Variants in SLC17A6 observed in about 807,000 individuals in gnomAD.
SLC17A6 encodes the protein vesicular glutamate transporter 2.
Under a neutral mutation model 67.1 loss-of-function variants are expected in SLC17A6, and 35 were observed. The ratio of observed to expected loss-of-function variants is 0.52; its 90% CI spans 0.40 to 0.69. The LOEUF is 0.69. SLC17A6 is among the 30% of genes least tolerant of loss of function. The probability of loss-of-function intolerance (pLI) is 0.00; values close to 1 mark genes in which losing one functional copy is unlikely to be tolerated. For synonymous variants in SLC17A6, 285 were observed against 252.3 expected, an observed-to-expected ratio of 1.13 and a Z score of -1.23; for missense variants, 588 against 723.9, an observed-to-expected ratio of 0.81 and a Z score of 2.15.
chr11:22,346,785 G>A (rs1354803391), intron 3 of SLC17A6, among the ~76,000 whole-genome samples: 2 of 149,284 alleles, frequency 1.3e-5, no homozygotes, highest in African/African-American at 4.9e-5. Flanking sequence ...ACACGGACAC[G>A]TGTTTAATGG....
chr11:22,343,632 G>C (rs980949910), intron 3 of SLC17A6, among the ~76,000 whole-genome samples: 4 of 152,082 alleles, frequency 2.6e-5, no homozygotes, highest in African/African-American at 9.7e-5. Flanking sequence ...CGAAATAATC[G>C]ACGTGCTGTA....
In SLC17A6 at chr11:22,377,977, T is replaced by G. The variant is rs899152882; in HGVS notation, c.*237T>G. 2 of 502,526 alleles carry G rather than the reference T, an allele frequency of 4.0e-6. No individual in the cohort carries two copies. The highest frequency in any genetic ancestry group is 7.5e-5 in the Admixed American group (2 of 26,628). 31.1% of individuals were successfully genotyped at this position (502,526 alleles called of 1,614,324 possible). A position where few individuals can be genotyped will look rare whatever the true frequency, so the allele number is the denominator to read the frequency against. On this transcript the variant is annotated 3_prime_UTR_variant, in exon 12 of 12. Coordinates refer to ENST00000263160, the MANE Select transcript of SLC17A6 (RefSeq NM_020346.3). Reference sequence around the variant, plus strand: ...TTGCATTTGTGACTTAAAGGTTGACTGGTCAAAATTGTAGAAACAAGTAGT... The same window carrying G: ...TTGCATTTGTGACTTAAAGGTTGACGGGTCAAAATTGTAGAAACAAGTAGT...
intron 1 of SLC17A6, among the ~76,000 whole-genome samples, chr11:22,340,872 CCTT>C (rs1855806958): frequency 1.3e-5 from 2 of 152,308 alleles, no homozygotes; most frequent in South Asian, 4.1e-4. Context: ...AGCTCTCAGG[CCTT>C]CTCCTCACGC....
chr11:22,377,615 A>T lies in SLC17A6; in HGVS notation c.1624A>T (p.Lys542Ter). ...AAATTATATAAATTATGGTACCACC[A>T]AGTCTTATGGTGCCACAACACAGGC... Reference protein sequence around the residue: ...TQNYINYGTTKSYGATTQANG... With the variant: ...TQNYINYGTT Residue 542 changes from lysine to a stop codon, truncating the protein, a stop_gained, in exon 12 of 12, where the codon AAG (lysine) becomes TAG (stop). Transcript: ENST00000263160. LOFTEE classifies it high-confidence loss of function. The T allele has an allele frequency of 6.2e-7, 1 of 1,614,168 alleles. No individual in the cohort carries two copies. Among genetic ancestry groups the T allele is most frequent in the Non-Finnish European group, 8.5e-7 (1 of 1,180,004 alleles).
chr11:22,354,331 A>C (rs1194384238), intron 3 of SLC17A6, among the ~76,000 whole-genome samples: 1 of 151,992 alleles, frequency 6.6e-6, no homozygotes, highest in Non-Finnish European at 1.5e-5. Flanking sequence ...CGATCCACCC[A>C]CCTCGGCCCC....
At chr11:22,360,711 A>C (rs1466942200) in intron 4 of SLC17A6, among the ~76,000 whole-genome samples, 186 bp from the exon 5 acceptor site, 3 of 152,090 alleles carry the variant, frequency 2.0e-5, no homozygotes, top group East Asian at 3.8e-4. Context: ...TGATCTCCCA[A>C]ATTTTTTCAA....
intron 3 of SLC17A6, among the ~76,000 whole-genome samples, chr11:22,345,291 T>C (rs540318090): frequency 6.6e-6 from 1 of 151,952 alleles, no homozygotes; most frequent in African/African-American, 2.4e-5. Flanking sequence ...GGTTCTAATT[T>C]ATCTGGTAGA....
intron 6 of SLC17A6, among the ~76,000 whole-genome samples, chr11:22,363,270 G>C (rs557459201): frequency 8.5e-5 from 13 of 152,084 alleles, no homozygotes; most frequent in Non-Finnish European, 1.6e-4. Flanking sequence ...TGGTGCTAAA[G>C]TGACTATTCA....
chr11:22,367,463 T>C (rs567769255), intron 7 of SLC17A6, among the ~76,000 whole-genome samples: 2 of 152,286 alleles, frequency 1.3e-5, no homozygotes, highest in Non-Finnish European at 2.9e-5. Flanking sequence ...TTTCCTTCTA[T>C]AAATAGACTA....
At chr11:22,358,649 C>CT (rs1856016720) in intron 3 of SLC17A6, among the ~76,000 whole-genome samples, 1 of 151,534 alleles carries the variant, frequency 6.6e-6, no homozygotes, top group African/African-American at 2.4e-5. Flanking sequence ...ATTTTTTTTT[C>CT]TTTTTTTAAC....
intron 2 of SLC17A6, 179 bp from the exon 3 acceptor site, chr11:22,343,068 C>T: frequency 2.9e-6 from 2 of 681,934 alleles, no homozygotes; most frequent in East Asian, 2.5e-5. Flanking sequence ...TGTTAATGAG[C>T]AGGGTTTTTT....
At chr11:22,341,321 G>A (rs1855812930) in intron 1 of SLC17A6, among the ~76,000 whole-genome samples, 1 of 152,168 alleles carries the variant, frequency 6.6e-6, no homozygotes. Context: ...AAGAGACGCC[G>A]CCGCCGCGGC....
intron 7 of SLC17A6, among the ~76,000 whole-genome samples, chr11:22,366,204 C>A (rs2133873250): frequency 6.6e-6 from 1 of 151,946 alleles, no homozygotes; most frequent in East Asian, 1.9e-4. Context: ...AGTGATTGAC[C>A]ACAGTGACTA....
At position 22,377,819 on chromosome 11, in the gene SLC17A6, A is replaced by G; in HGVS notation, c.*79A>G. 11 of 1,202,386 alleles carry G rather than the reference A, an allele frequency of 9.1e-6. No individual in the cohort carries two copies. Among genetic ancestry groups the G allele is most frequent in the Non-Finnish European group, 1.3e-5 (11 of 873,658 alleles). 74.5% of individuals were successfully genotyped at this position (1,202,386 alleles called of 1,614,324 possible). On this transcript the variant is annotated 3_prime_UTR_variant, in exon 12 of 12. Transcript: ENST00000263160. ...TGCACAAAAATTTTAAAAACACGTG[A>G]TGTAAACTTGCAAGCATATCAACCA...
chr11:22,342,104 T>C (rs1000089427), intron 2 of SLC17A6, among the ~76,000 whole-genome samples: 1 of 152,190 alleles, frequency 6.6e-6, no homozygotes, highest in Admixed American at 6.5e-5. Flanking sequence ...TTGTTTTACT[T>C]GGATGAATAG....
At chr11:22,364,042 T>C (rs1172977593) in intron 6 of SLC17A6, among the ~76,000 whole-genome samples, 1 of 152,152 alleles carries the variant, frequency 6.6e-6, no homozygotes, top group Non-Finnish European at 1.5e-5. Flanking sequence ...TCAAGTTATA[T>C]CTCATTTGAT....
intron 5 of SLC17A6, 87 bp downstream of exon 5, chr11:22,361,071 T>A: frequency 9.5e-7 from 1 of 1,050,460 alleles, no homozygotes; most frequent in Non-Finnish European, 1.4e-6. Flanking sequence ...AACTCACCTG[T>A]AAAACCATCT....
intron 1 of SLC17A6, among the ~76,000 whole-genome samples, chr11:22,341,280 C>G (rs185970249): frequency 6.6e-6 from 1 of 152,302 alleles, no homozygotes; most frequent in East Asian, 1.9e-4. Context: ...GATGGGGACT[C>G]GCTACCTTAG....
chr11:22,366,818 A>G lies in SLC17A6; in HGVS notation c.891+1129A>G, dbSNP rs1328646103. Among the ~76,000 whole-genome samples, 5 of 152,092 alleles carry G rather than the reference A, an allele frequency of 3.3e-5. No homozygotes were observed. In the East Asian group the frequency reaches 7.7e-4, roughly 23 times the overall value. ...TCAGGAGTTTGAGACCAGTCTGGCC[A>G]ACATGGGAAACCCCGTCTCTACTAA... On this transcript the variant is annotated intron_variant, in intron 7 of 11. Transcript: ENST00000263160.
Sources: gnomAD v4.1 joint callset for allele counts (sites outside exome capture counted in the v4.1 genomes callset) on GRCh38, gnomAD v4.1.1 for gene constraint, MANE v1.5 for transcripts, NCBI Gene and HGNC (gene_info 2026-07-23, HGNC 2026-07-21) for gene names.